WNT3: variants seen among roughly 807,000 people sequenced by gnomAD.
WNT3 encodes proto-oncogene Wnt-3.
In WNT3, 7 loss-of-function variants were observed where a neutral mutation model predicts 34.2. The ratio of observed to expected loss-of-function variants is 0.20; its 90% confidence interval spans 0.12 to 0.38. The LOEUF is 0.38. Ranked by LOEUF, WNT3 falls within the 10% of genes least tolerant of loss-of-function variation. The pLI is 1.00. For synonymous variants in WNT3, 212 were observed against 211.5 expected (o/e 1.00, Z -0.02); for missense variants, 267 against 499.8 (o/e 0.53, Z 4.44).
At chr17:46,779,104 C>CACACACACACACACACA (rs1555683622) in intron 1 of WNT3, among the ~76,000 whole-genome samples, 61 of 130,780 alleles carry the variant, frequency 4.7e-4, no homozygotes, top group East Asian at 7.3e-4. Flanking sequence ...CACACACACA[C>CACACACACACACACACA]CCCAGCCCAC....
intron 1 of WNT3, among the ~76,000 whole-genome samples, chr17:46,811,139 A>T (rs1408735088): frequency 9.9e-6 from 1 of 100,908 alleles, no homozygotes; most frequent in East Asian, 1.9e-4. Flanking sequence ...AATCGACACT[A>T]CTGGCTTCAG....
At chr17:46,812,026 C>T (rs538982993) in intron 1 of WNT3, among the ~76,000 whole-genome samples, 7 of 152,200 alleles carry the variant, frequency 4.6e-5, no homozygotes, top group Non-Finnish European at 8.8e-5. Flanking sequence ...TGCCCAGAAG[C>T]AGGGAGGAGA....
At position 46,765,582 on chromosome 17, in the gene WNT3, CAAG is replaced by C. The variant is rs2059305164; in HGVS notation, c.*9-964_*9-962del. ...GCACTGCCAAGACTGTCAGGGAAGA[CAAG>C]AGAACAGCTAACGACTCTGTCCCCT... On this transcript the variant is annotated intron_variant, in intron 4 of 4. Transcript: ENST00000225512. Among the ~76,000 whole-genome samples the C allele has an allele frequency of 2.0e-5, 3 of 152,252 alleles. No individual in the cohort carries two copies. The South Asian group carries it at 6.3e-4, about 32-fold the overall frequency.
At chr17:46,809,346 T>G (rs1032622907) in intron 1 of WNT3, among the ~76,000 whole-genome samples, 1 of 152,150 alleles carries the variant, frequency 6.6e-6, no homozygotes, top group Non-Finnish European at 1.5e-5. Context: ...CCTGCGAGAT[T>G]GGTTTTCCTT....
intron 4 of WNT3, among the ~76,000 whole-genome samples, chr17:46,767,839 A>C (rs2059327607): frequency 6.6e-6 from 1 of 151,986 alleles, no homozygotes; most frequent in African/African-American, 2.4e-5. Context: ...GGCTGGATGG[A>C]GTCCAGTGGT....
At chr17:46,775,580 T>TTTAGA (rs1172455082) in intron 1 of WNT3, among the ~76,000 whole-genome samples, 1 of 151,120 alleles carries the variant, frequency 6.6e-6, no homozygotes, top group Non-Finnish European at 1.5e-5. Context: ...GAGCTTTTTC[T>TTTAGA]AAAGAGAAAG....
chr17:46,765,946 A>G (rs1459012674), intron 4 of WNT3, among the ~76,000 whole-genome samples: 3 of 152,212 alleles, frequency 2.0e-5, no homozygotes, highest in Non-Finnish European at 4.4e-5. Flanking sequence ...AGTGTCCTCC[A>G]CTGGTCACAG....
intron 1 of WNT3, among the ~76,000 whole-genome samples, chr17:46,804,963 C>T (rs1246414006): frequency 2.8e-5 from 4 of 142,964 alleles, no homozygotes; most frequent in African/African-American, 7.7e-5. Flanking sequence ...CCTTGGGTCG[C>T]CTTCCATGCT....
At chr17:46,816,728 T>C (rs1010979948) in intron 1 of WNT3, among the ~76,000 whole-genome samples, 5 of 152,192 alleles carry the variant, frequency 3.3e-5, no homozygotes, top group African/African-American at 1.2e-4. Context: ...TTCTAGTTCA[T>C]AGGGCCGGAG....
At chr17:46,815,245 C>T (rs896741845) in intron 1 of WNT3, among the ~76,000 whole-genome samples, 5 of 152,002 alleles carry the variant, frequency 3.3e-5, no homozygotes, top group African/African-American at 4.8e-5. Flanking sequence ...AAGGGGAATT[C>T]GAGAAATCAG....
chr17:46,773,791 G>A lies in WNT3; in HGVS notation c.199C>T (p.Pro67Ser). The A allele has an allele frequency of 6.2e-7, 1 of 1,613,558 alleles. No individual in the cohort carries two copies. ...RFCRNYIEIM[P>S]SVAEGVKLGI... ...AGCTTCACGCCCTCGGCCACGCTGG[G>A]CATGATCTCGATGTAATTGCGGCAG... Residue 67 changes from proline to serine, a missense_variant, in exon 2 of 5, where the codon CCC (proline) becomes TCC (serine). Coordinates refer to ENST00000225512, the MANE Select transcript of WNT3 (RefSeq NM_030753.5).
At chr17:46,779,288 C>T (rs905132183) in intron 1 of WNT3, among the ~76,000 whole-genome samples, 1 of 152,198 alleles carries the variant, frequency 6.6e-6, no homozygotes, top group African/African-American at 2.4e-5. Flanking sequence ...GAAGTTCCTA[C>T]GTTTAGGATC....
chr17:46,772,594 T>A (rs1160335195), intron 2 of WNT3, among the ~76,000 whole-genome samples: 1 of 152,238 alleles, frequency 6.6e-6, no homozygotes, highest in South Asian at 2.1e-4. Flanking sequence ...CAACAAGGAA[T>A]AATTAGTTTT....
chr17:46,765,387 G>C (rs563498054), intron 4 of WNT3, among the ~76,000 whole-genome samples: 1 of 152,244 alleles, frequency 6.6e-6, no homozygotes, highest in Non-Finnish European at 1.5e-5. Context: ...TCTGGCACTT[G>C]TAAGGCACCA....
At chr17:46,798,189 G>A (rs1233381413) in intron 1 of WNT3, among the ~76,000 whole-genome samples, 11 of 152,152 alleles carry the variant, frequency 7.2e-5, no homozygotes, top group Admixed American at 7.2e-4. Flanking sequence ...TCGGCCTCCC[G>A]AAGTGCTGGG....
At chr17:46,789,468 A>T (rs1166152670) in intron 1 of WNT3, among the ~76,000 whole-genome samples, 1 of 152,234 alleles carries the variant, frequency 6.6e-6, no homozygotes, top group African/African-American at 2.4e-5. Flanking sequence ...GATCATTAAA[A>T]GCCTCCACCA....
In WNT3 at chr17:46,768,803, G is replaced by A. The variant is rs2059336866; in HGVS notation, c.589-4C>T. 1 of 1,612,340 alleles carries A rather than the reference G, an allele frequency of 6.2e-7. No homozygotes were observed. The highest frequency in any genetic ancestry group is 2.2e-5 in the East Asian group (1 of 44,860). ...GGTGCATGTGGTCCAGGATAGTCTG[G>A]GGGAGAGAAGTGGCAGCTGGCCAAC... On this transcript the variant is annotated splice_region_variant and splice_polypyrimidine_tract_variant and intron_variant, in intron 3 of 4. Coordinates refer to ENST00000225512, the MANE Select transcript of WNT3 (RefSeq NM_030753.5). The surrounding 1 kb of genome is among the most constrained non-coding windows in gnomAD (Gnocchi z 5.0).
intron 1 of WNT3, among the ~76,000 whole-genome samples, chr17:46,774,951 CT>C (rs2059402007): frequency 6.6e-6 from 1 of 152,206 alleles, no homozygotes; most frequent in Non-Finnish European, 1.5e-5. Context: ...CCCATCTCCT[CT>C]CCCTCTGTGT....
chr17:46,769,655 TG>T, intron 3 of WNT3, 127 bp downstream of exon 3: 1 of 1,320,528 alleles, frequency 7.6e-7, no homozygotes, highest in Non-Finnish European at 1.0e-6. Flanking sequence ...AGGCCAAGCC[TG>T]GCCAAGGGGA....
Sources: allele counts gnomAD v4.1 joint callset (sites outside exome capture counted in the v4.1 genomes callset), GRCh38; gene constraint gnomAD v4.1.1; non-coding constraint Gnocchi (gnomAD v3.1); transcripts MANE v1.5; gene names NCBI Gene and HGNC (gene_info 2026-07-23, HGNC 2026-07-21).